LRRIQ3: variants seen among roughly 807,000 people sequenced by gnomAD.
The protein encoded by LRRIQ3 is leucine-rich repeat and IQ domain-containing protein 3.
A neutral mutation model predicts 59.3 loss-of-function variants in LRRIQ3; 75 were observed. That is an observed-to-expected ratio of 1.26 (90% confidence interval 1.05 to 1.53). The LOEUF (loss-of-function observed/expected upper bound fraction) is 1.53. Ranked by LOEUF, LRRIQ3 falls within the 40% of genes most tolerant of loss-of-function variation. The probability of loss-of-function intolerance (pLI) is 0.00; values close to 1 mark genes in which losing one functional copy is unlikely to be tolerated. For synonymous variants in LRRIQ3, 250 were observed against 231.3 expected (o/e 1.08, Z -0.73); for missense variants, 831 against 710.0 (o/e 1.17, Z -1.94).
intron 3 of LRRIQ3, among the ~76,000 whole-genome samples, chr1:74,176,412 TTTAA>T (rs1649641870): frequency 1.3e-5 from 2 of 152,182 alleles, no homozygotes; most frequent in Admixed American, 6.5e-5. Context: ...TTTTAAGAAG[TTTAA>T]TTAAGATATT....
At chr1:74,131,323 T>A (rs1351481731) in intron 4 of LRRIQ3, among the ~76,000 whole-genome samples, 1 of 152,140 alleles carries the variant, frequency 6.6e-6, no homozygotes, top group East Asian at 1.9e-4. Context: ...CCATTCCTTC[T>A]GAAAATATTC....
intron 4 of LRRIQ3, among the ~76,000 whole-genome samples, chr1:74,116,856 A>G (rs902313167): frequency 5.9e-5 from 9 of 152,084 alleles, no homozygotes; most frequent in African/African-American, 2.2e-4. Flanking sequence ...TATAAATTGC[A>G]GAAGCATGAA....
At chr1:74,070,978 C>G (rs1655008509) in intron 6 of LRRIQ3, among the ~76,000 whole-genome samples, 1 of 37,172 alleles carries the variant, frequency 2.7e-5, no homozygotes, top group Non-Finnish European at 1.0e-4. Context: ...TTATATATAT[C>G]AATATATATA....
intron 3 of LRRIQ3, among the ~76,000 whole-genome samples, chr1:74,171,978 T>A (rs1047325437): frequency 1.3e-5 from 2 of 152,162 alleles, no homozygotes; most frequent in Non-Finnish European, 2.9e-5. Flanking sequence ...TGTCTCTTCT[T>A]TCATTTCTGA....
intron 5 of LRRIQ3, among the ~76,000 whole-genome samples, chr1:74,092,950 A>G (rs1222517785): frequency 2.0e-5 from 3 of 152,062 alleles, no homozygotes; most frequent in African/African-American, 7.2e-5. Context: ...TATGGTCACT[A>G]TCGTTAATTT....
At chr1:74,060,212 CT>C (rs1654671521) in intron 6 of LRRIQ3, among the ~76,000 whole-genome samples, 1 of 34,988 alleles carries the variant, frequency 2.9e-5, no homozygotes, top group Non-Finnish European at 7.8e-5. Flanking sequence ...TCTTCTTCTT[CT>C]TCTTCTTGTT....
At chr1:74,085,421 G>A (rs538990703) in intron 5 of LRRIQ3, among the ~76,000 whole-genome samples, 1 of 150,728 alleles carries the variant, frequency 6.6e-6, no homozygotes, top group Non-Finnish European at 1.5e-5. Context: ...AAAGGAGGTC[G>A]AATATAAATA....
chr1:74,175,341 T>C (rs879863598), intron 3 of LRRIQ3, among the ~76,000 whole-genome samples: 2 of 152,150 alleles, frequency 1.3e-5, no homozygotes, highest in Non-Finnish European at 2.9e-5. Context: ...TCCCCCTTTT[T>C]TTGTTGTTGT....
chr1:74,145,625 C>T (rs1426602459), intron 4 of LRRIQ3, among the ~76,000 whole-genome samples: 2 of 151,976 alleles, frequency 1.3e-5, no homozygotes, highest in Non-Finnish European at 2.9e-5. Flanking sequence ...ATCAGAAAAA[C>T]ATCACAAGTA....
intron 5 of LRRIQ3, among the ~76,000 whole-genome samples, chr1:74,095,592 C>T (rs1195689124): frequency 6.6e-6 from 1 of 152,200 alleles, no homozygotes; most frequent in Non-Finnish European, 1.5e-5. Context: ...AAGCAACTTA[C>T]ATTAAGCACA....
chr1:74,107,005 C>T (rs1178704832), intron 5 of LRRIQ3, among the ~76,000 whole-genome samples: 4 of 151,970 alleles, frequency 2.6e-5, no homozygotes, highest in Admixed American at 6.6e-5. Context: ...TCACTCCTCA[C>T]GGCTTCTGAC....
At chr1:74,155,500 T>A (rs1035657804) in intron 4 of LRRIQ3, among the ~76,000 whole-genome samples, 1 of 152,166 alleles carries the variant, frequency 6.6e-6, no homozygotes, top group East Asian at 1.9e-4. Context: ...ATGGCTTACA[T>A]TTGTATTTAT....
chr1:74,129,748 CT>C (rs1207297545), intron 4 of LRRIQ3, among the ~76,000 whole-genome samples: 1 of 152,018 alleles, frequency 6.6e-6, no homozygotes, highest in Non-Finnish European at 1.5e-5. Context: ...TGAGTACTGC[CT>C]GGGTACCACT....
intron 4 of LRRIQ3, among the ~76,000 whole-genome samples, chr1:74,145,712 T>G (rs979613599): frequency 6.6e-6 from 1 of 152,124 alleles, no homozygotes; most frequent in Non-Finnish European, 1.5e-5. Context: ...TTACTAATTT[T>G]TTTCTTAATT....
At position 74,026,943 on chromosome 1, in the gene LRRIQ3, C is replaced by A. The variant is rs186065058; in HGVS notation, c.1745G>T (p.Cys582Phe). The stretch of plus-strand genomic sequence containing the variant: ...CATATCCATAACAAATTTTTCTTCA[C>A]AATGTCTTTTATATATTTCTTGAGA... ...VRSQEIYKRH[C>F]EEKFVMDMIA... The change falls in exon 8 of 8, where the codon TGT (cysteine) becomes TTT (phenylalanine). Residue 582 changes from cysteine to phenylalanine, a missense_variant. Transcript: ENST00000354431. 8 of 1,577,756 alleles carry A rather than the reference C, an allele frequency of 5.1e-6. No homozygotes were observed. The Admixed American group carries it at 1.2e-4, about 24-fold the overall frequency.
intron 7 of LRRIQ3, 96 bp from the exon 8 acceptor site, chr1:74,027,065 C>T (rs557077826): frequency 1.3e-4 from 102 of 792,722 alleles, no homozygotes; most frequent in African/African-American, 9.4e-4. Context: ...TAGATGTCTT[C>T]GAAATAGGCA....
At chr1:74,127,510 A>T (rs1227265616) in intron 4 of LRRIQ3, among the ~76,000 whole-genome samples, 1 of 151,816 alleles carries the variant, frequency 6.6e-6, no homozygotes, top group Non-Finnish European at 1.5e-5. Context: ...TGAAGATACC[A>T]TGACCCTTGC....
intron 4 of LRRIQ3, among the ~76,000 whole-genome samples, chr1:74,142,171 G>GAATTGTTGCATCATATGGTAGT: frequency 6.6e-6 from 1 of 151,992 alleles, no homozygotes; most frequent in Admixed American, 6.6e-5. Context: ...GACTGGGGTT[G>GAATTGTTGCATCATATGGTAGT]AATTGTTGCA....
chr1:74,169,184 C>T (rs997770644), intron 3 of LRRIQ3, among the ~76,000 whole-genome samples: 4 of 152,132 alleles, frequency 2.6e-5, no homozygotes, highest in African/African-American at 7.2e-5. Flanking sequence ...TTTGTCCTTC[C>T]ATGACTGACC....
Sources: allele counts gnomAD v4.1 joint callset (sites outside exome capture counted in the v4.1 genomes callset), GRCh38; gene constraint gnomAD v4.1.1; transcripts MANE v1.5; gene names NCBI Gene and HGNC (gene_info 2026-07-23, HGNC 2026-07-21).